CACNA1A: variants seen among roughly 807,000 people sequenced by gnomAD.
CACNA1A encodes the protein calcium voltage-gated channel subunit alpha1 A.
In CACNA1A, 57 loss-of-function variants were observed where a neutral mutation model predicts 262.4. The ratio of observed to expected loss-of-function variants is 0.22; its 90% CI spans 0.18 to 0.27. The LOEUF (loss-of-function observed/expected upper bound fraction) is 0.27, where lower values mean the gene tolerates loss of function less well. CACNA1A is among the 10% of genes least tolerant of loss of function. CACNA1A has a pLI of 1.00. For missense variants in CACNA1A, 2,526 were observed against 3,562.8 expected, an observed-to-expected ratio of 0.71 and a Z score of 7.41; for synonymous variants, 1,431 against 1,419.3, an observed-to-expected ratio of 1.01 and a Z score of -0.18.
At position 13,336,599 on chromosome 19, in the gene CACNA1A, GAGAGAGAGAGAGA is replaced by G. The variant is rs2058575673; in HGVS notation, c.979-703_979-691del. 1.9e-4 allele frequency among the ~76,000 whole-genome samples: 23 copies of G among 121,652 alleles called. No individual in the cohort carries two copies. The East Asian group carries it at 2.6e-3, about 14-fold the overall frequency. The allele number at this position is 121,652 out of a possible 152,430, so 79.8% of individuals were successfully genotyped here. A position where few individuals can be genotyped will look rare whatever the true frequency, so the allele number is the denominator to read the frequency against. ...AGAGAGACAGAGAGAGAGAGGGAGAGAGAGAGAGAGAGAGAGAGAGAGAGAGAGAGAGAGAGAG... is the reference window on the plus strand; with the variant it reads ...AGAGAGACAGAGAGAGAGAGGGAGAGGAGAGAGAGAGAGAGAGAGAGAGAG... On this transcript the variant is annotated intron_variant, in intron 6 of 46. Transcript: ENST00000360228.
intron 3 of CACNA1A, among the ~76,000 whole-genome samples, chr19:13,392,717 G>C (rs572320641): frequency 2.6e-5 from 4 of 151,934 alleles, no homozygotes; most frequent in Non-Finnish European, 5.9e-5. Context: ...CTGTTGGGCA[G>C]TTTCCTTTCC....
chr19:13,323,717 G>T (rs1233385522), intron 10 of CACNA1A, among the ~76,000 whole-genome samples: 1 of 152,060 alleles, frequency 6.6e-6, no homozygotes, highest in African/African-American at 2.4e-5. Context: ...CATTCCTTAG[G>T]TTGTCTCTTT....
chr19:13,341,021 A>G (rs1461395042), intron 6 of CACNA1A, among the ~76,000 whole-genome samples: 1 of 152,164 alleles, frequency 6.6e-6, no homozygotes, highest in Admixed American at 6.5e-5. Context: ...GTAGTGAGCT[A>G]TGATCGCACC....
intron 5 of CACNA1A, chr19:13,365,087 T>A: frequency 5.4e-6 from 2 of 372,226 alleles, no homozygotes; most frequent in South Asian, 1.5e-4. Flanking sequence ...CTTCCTGGGA[T>A]CATTCCCAAA....
At chr19:13,271,579 T>G (rs886571056) in intron 24 of CACNA1A, 1 of 152,110 alleles carries the variant, frequency 6.6e-6, no homozygotes, top group African/African-American at 2.4e-5. Context: ...GCAGATTAGC[T>G]TTGTTTAAAA....
At chr19:13,474,056 A>C (rs1476740785) in intron 1 of CACNA1A, among the ~76,000 whole-genome samples, 1 of 152,170 alleles carries the variant, frequency 6.6e-6, no homozygotes, top group Non-Finnish European at 1.5e-5. Flanking sequence ...AAATAAACCC[A>C]CATATTCTGT....
intron 10 of CACNA1A, among the ~76,000 whole-genome samples, chr19:13,322,262 C>T (rs1325534350): frequency 6.7e-6 from 1 of 148,780 alleles, no homozygotes; most frequent in Non-Finnish European, 1.5e-5. Flanking sequence ...CATATGACAA[C>T]AGAGGCAGAG....
intron 30 of CACNA1A, among the ~76,000 whole-genome samples, chr19:13,249,037 C>A (rs997183999): frequency 6.6e-6 from 1 of 152,114 alleles, no homozygotes; most frequent in African/African-American, 2.4e-5. Flanking sequence ...GATGTGATCG[C>A]AGCTCACTGC....
At position 13,269,886 on chromosome 19, in the gene CACNA1A, G is replaced by A. The variant is rs997505353; in HGVS notation, c.3989+5964C>T. Among the ~76,000 whole-genome samples, 9 of 152,256 alleles carry A rather than the reference G, an allele frequency of 5.9e-5. No homozygotes were observed. The South Asian group carries it at 8.3e-4, about 14-fold the overall frequency. On this transcript the variant is annotated intron_variant, in intron 24 of 46. Coordinates refer to ENST00000360228, the MANE Select transcript of CACNA1A (RefSeq NM_001127222.2). ...CACAGGGATAGTTTTCTCCCATATC[G>A]GAGACGAGGCCACAATCACAGCACT...
At chr19:13,342,822 G>T (rs1307766308) in intron 6 of CACNA1A, among the ~76,000 whole-genome samples, 1 of 152,210 alleles carries the variant, frequency 6.6e-6, no homozygotes, top group Non-Finnish European at 1.5e-5. Context: ...TGGACATGTA[G>T]CATGAGCAGG....
At chr19:13,384,463 C>A (rs754489388) in intron 3 of CACNA1A, among the ~76,000 whole-genome samples, 1 of 152,070 alleles carries the variant, frequency 6.6e-6, no homozygotes, top group African/African-American at 2.4e-5. Flanking sequence ...TTTGAAAGGC[C>A]GAGGCAGGTG....
At chr19:13,346,641 T>C (rs1284517206) in intron 6 of CACNA1A, among the ~76,000 whole-genome samples, 1 of 15,116 alleles carries the variant, frequency 6.6e-5, no homozygotes, top group Non-Finnish European at 1.0e-4. Flanking sequence ...TATATATATA[T>C]ATATATATAT....
At chr19:13,269,482 G>C (rs552929350) in intron 24 of CACNA1A, among the ~76,000 whole-genome samples, 1 of 152,330 alleles carries the variant, frequency 6.6e-6, no homozygotes, top group South Asian at 2.1e-4. Context: ...TGAGGATCAA[G>C]AGATAGCAGC....
At chr19:13,320,660 C>CA (rs2058234432) in intron 10 of CACNA1A, among the ~76,000 whole-genome samples, 1 of 152,076 alleles carries the variant, frequency 6.6e-6, no homozygotes, top group African/African-American at 2.4e-5. Context: ...AAGTGCTGGA[C>CA]CCCATGCTAG....
chr19:13,473,643 T>C (rs1228512268), intron 1 of CACNA1A, among the ~76,000 whole-genome samples: 1 of 152,190 alleles, frequency 6.6e-6, no homozygotes, highest in Non-Finnish European at 1.5e-5. Flanking sequence ...TTTTATGCCT[T>C]CTTTTCCTGT....
At chr19:13,376,585 T>C (rs1021201955) in intron 3 of CACNA1A, among the ~76,000 whole-genome samples, 24 of 148,402 alleles carry the variant, frequency 1.6e-4, no homozygotes, top group African/African-American at 5.9e-4. Context: ...ATATATAACA[T>C]ATGAGATATA....
intron 10 of CACNA1A, among the ~76,000 whole-genome samples, chr19:13,320,151 G>A (rs890907204): frequency 2.6e-5 from 4 of 151,970 alleles, no homozygotes; most frequent in African/African-American, 9.7e-5. Flanking sequence ...TCAAAGATGT[G>A]TCCAGATCTG....
intron 1 of CACNA1A, among the ~76,000 whole-genome samples, chr19:13,491,227 T>C (rs1308929021): frequency 6.6e-6 from 1 of 152,184 alleles, no homozygotes; most frequent in East Asian, 1.9e-4. Context: ...TGTGTGACCT[T>C]GGCAAGCAGT....
intron 28 of CACNA1A, chr19:13,257,043 AT>A: frequency 1.4e-5 from 3 of 213,882 alleles, no homozygotes; most frequent in Non-Finnish European, 2.8e-5. Context: ...AGATGGCAAG[AT>A]CCACAACTGA....
Sources: gnomAD v4.1 joint callset for allele counts (sites outside exome capture counted in the v4.1 genomes callset) on GRCh38, gnomAD v4.1.1 for gene constraint, MANE v1.5 for transcripts, NCBI Gene and HGNC (gene_info 2026-07-23, HGNC 2026-07-21) for gene names.